ADAMTS9: variants seen among roughly 807,000 people sequenced by gnomAD.
ADAMTS9 encodes the protein A disintegrin and metalloproteinase with thrombospondin motifs 9.
Under a neutral mutation model 257.1 loss-of-function variants are expected in ADAMTS9, and 107 were observed. The ratio of observed to expected loss-of-function variants is 0.42; its 90% CI spans 0.36 to 0.49. ADAMTS9 has a LOEUF of 0.49. Ranked by LOEUF, ADAMTS9 falls within the 20% of genes least tolerant of loss-of-function variation. The pLI is 0.03. For synonymous variants in ADAMTS9, 982 were observed against 880.9 expected (o/e 1.11, Z -2.03); for missense variants, 2,353 against 2,469.1 (o/e 0.95, Z 1.00).
chr3:64,551,066 T>A lies in ADAMTS9; in HGVS notation c.4699-4A>T, dbSNP rs370501725. 439 of 1,613,910 alleles carry A rather than the reference T, an allele frequency of 2.7e-4. No homozygotes were observed. In the African/African-American group the frequency reaches 5.1e-3, roughly 19 times the overall value. ...CTTCGCCGCAGGTCTTGGTGCACTG[T>A]TAAATACAAGCAAAAGAGAAGAATA... On this transcript the variant is annotated splice_region_variant and splice_polypyrimidine_tract_variant and intron_variant, in intron 30 of 39. Transcript: ENST00000498707.
chr3:64,551,483 A>G (rs926016320), intron 30 of ADAMTS9, among the ~76,000 whole-genome samples: 1 of 152,194 alleles, frequency 6.6e-6, no homozygotes, highest in Non-Finnish European at 1.5e-5. Context: ...TGCTGGGATT[A>G]CAGGCGTGAG....
Position 64,631,853 on chromosome 3 carries a change from A to G in ADAMTS9, c.2248T>C (p.Ser750Pro). 6.2e-7 allele frequency: 1 copy of G among 1,614,056 alleles called. No homozygotes were observed. The highest frequency in any genetic ancestry group is 1.1e-5 in the South Asian group (1 of 91,080). The change falls in exon 15 of 40, where the codon TCT becomes CCT. Residue 750 changes from serine (S) to proline (P), a missense_variant. Coordinates refer to ENST00000498707, the MANE Select transcript of ADAMTS9 (RefSeq NM_182920.2). ...GTTCCTGCCACTGTTTTGCATGAAG[A>G]ATTATCGCCACCACAAACCCCACAT... ...DKCGVCGGDNSSCKTVAGTFN... is the reference protein window; with the variant it reads ...DKCGVCGGDNPSCKTVAGTFN...
chr3:64,683,946 T>C (rs1701824933), intron 2 of ADAMTS9, among the ~76,000 whole-genome samples: 1 of 151,954 alleles, frequency 6.6e-6, no homozygotes, highest in South Asian at 2.1e-4. Flanking sequence ...TGGGGAACTA[T>C]GAAAAGGTCT....
intron 28 of ADAMTS9, among the ~76,000 whole-genome samples, chr3:64,585,371 T>C (rs2084121011): frequency 1.3e-5 from 2 of 152,216 alleles, no homozygotes; most frequent in South Asian, 2.1e-4. Context: ...TGAGGGGTGA[T>C]GAGAGGAAGA....
intron 19 of ADAMTS9, among the ~76,000 whole-genome samples, chr3:64,616,813 A>G (rs761609462): frequency 2.0e-5 from 3 of 152,216 alleles, no homozygotes; most frequent in Non-Finnish European, 4.4e-5. Context: ...TAGAAATCCA[A>G]AAAGGGTGAT....
chr3:64,638,030 A>G (rs9852500), intron 12 of ADAMTS9, among the ~76,000 whole-genome samples: 81,356 of 152,074 alleles, frequency 0.53, 22,815 homozygotes, highest in African/African-American at 0.71. Flanking sequence ...CATATGTCTT[A>G]AATATGTTTT....
chr3:64,659,005 C>T (rs1463717135), intron 3 of ADAMTS9, among the ~76,000 whole-genome samples: 2 of 152,162 alleles, frequency 1.3e-5, no homozygotes, highest in Admixed American at 6.5e-5. Flanking sequence ...CATACTTGCT[C>T]GCTTACGGTA....
At chr3:64,537,426 TA>T (rs756856675) in intron 37 of ADAMTS9, among the ~76,000 whole-genome samples, 2 of 152,124 alleles carry the variant, frequency 1.3e-5, no homozygotes, top group East Asian at 1.9e-4. Context: ...TCAATTGCCC[TA>T]AAAAAAACTG....
intron 31 of ADAMTS9, among the ~76,000 whole-genome samples, chr3:64,549,637 C>T (rs2083245228): frequency 2.0e-5 from 3 of 152,172 alleles, no homozygotes; most frequent in South Asian, 4.2e-4. Context: ...GTTTCCCAGC[C>T]TCAGCACCAC....
At chr3:64,555,649 G>T (rs1373353807) in intron 30 of ADAMTS9, among the ~76,000 whole-genome samples, 2 of 152,176 alleles carry the variant, frequency 1.3e-5, no homozygotes, top group Non-Finnish European at 2.9e-5. Flanking sequence ...GAGAGAAGAG[G>T]AAACACAACG....
intron 37 of ADAMTS9, among the ~76,000 whole-genome samples, chr3:64,537,232 C>CA (rs1321499948): frequency 3.9e-5 from 6 of 152,254 alleles, no homozygotes; most frequent in Admixed American, 1.3e-4. Context: ...TTTAGCAAAT[C>CA]AATCAGTTCA....
At chr3:64,543,698 A>C (rs1238985799) in intron 32 of ADAMTS9, among the ~76,000 whole-genome samples, 5 of 152,218 alleles carry the variant, frequency 3.3e-5, no homozygotes, top group Non-Finnish European at 7.3e-5. Context: ...TTCCCTTTGA[A>C]AATTGGCACA....
chr3:64,668,081 G>T (rs1701393181), intron 3 of ADAMTS9, among the ~76,000 whole-genome samples: 1 of 152,048 alleles, frequency 6.6e-6, no homozygotes, highest in Non-Finnish European at 1.5e-5. Flanking sequence ...GCCTGTCAGG[G>T]TGCCAACTGC....
At chr3:64,595,214 A>T (rs1033090217) in intron 27 of ADAMTS9, among the ~76,000 whole-genome samples, 1 of 152,200 alleles carries the variant, frequency 6.6e-6, no homozygotes, top group Non-Finnish European at 1.5e-5. Flanking sequence ...CTCCGTCTCC[A>T]TAGCCCTTTA....
rs1209773399 is a variant in ADAMTS9 at position 64,568,647 on chromosome 3, CCT to C, written c.4357-114_4357-113del. 6 of 1,282,910 alleles carry C rather than the reference CCT, an allele frequency of 4.7e-6. No individual in the cohort carries two copies. In the African/African-American group the frequency reaches 9.1e-5, roughly 19 times the overall value. 79.5% of individuals were successfully genotyped at this position (1,282,910 alleles called of 1,614,324 possible). On this transcript the variant is annotated intron_variant, in intron 28 of 39. Transcript: ENST00000498707. ...AATGCCTAACAAGAGTTACCATTCC[CCT>C]CTTTTACAGCGCCAGTTTGGATAAT...
Position 64,517,416 on chromosome 3 carries a change from GTTTTTTTTT to G in ADAMTS9, c.*6-304_*6-296del, listed in dbSNP as rs755480110. ...CATCAAGCCCAGCTAATTAAAAATG[GTTTTTTTTT>G]TTTTTTTTTTTTTTGCAGAAATGGG... On this transcript the variant is annotated intron_variant, in intron 39 of 39. Transcript: ENST00000498707. Among the ~76,000 whole-genome samples, 8 of 52,670 alleles carry G rather than the reference GTTTTTTTTT, an allele frequency of 1.5e-4. 1 individual carries two copies. Among genetic ancestry groups the G allele is most frequent in the Admixed American group, 1.1e-3 (3 of 2,656 alleles). 34.6% of individuals were successfully genotyped at this position (52,670 alleles called of 152,430 possible).
At chr3:64,652,213 A>T (rs1700948549) in intron 8 of ADAMTS9, among the ~76,000 whole-genome samples, 1 of 152,208 alleles carries the variant, frequency 6.6e-6, no homozygotes, top group Non-Finnish European at 1.5e-5. Flanking sequence ...ACAGAAGCAC[A>T]TAGACTTGCA....
At chr3:64,615,529 T>C (rs751683263) in intron 20 of ADAMTS9, 44 bp from the exon 21 acceptor site, 15 of 1,558,656 alleles carry the variant, frequency 9.6e-6, no homozygotes, top group East Asian at 2.3e-5. Flanking sequence ...CTAAGTTTCT[T>C]ATAAAGTATG....
At chr3:64,632,030 T>A in intron 14 of ADAMTS9, 105 bp from the exon 15 acceptor site, 1 of 822,252 alleles carries the variant, frequency 1.2e-6, no homozygotes, top group Non-Finnish European at 1.9e-6. Flanking sequence ...GACAAGAAAG[T>A]CAAGTCCTTT....
Sources: gnomAD v4.1 joint callset for allele counts (sites outside exome capture counted in the v4.1 genomes callset) on GRCh38, gnomAD v4.1.1 for gene constraint, MANE v1.5 for transcripts, NCBI Gene and HGNC (gene_info 2026-07-23, HGNC 2026-07-21) for gene names.